The following LRRC7 variants were observed in gnomAD, a reference collection of about 807,000 sequenced individuals.
The protein encoded by LRRC7 is leucine rich repeat containing 7, also known as leucine-rich repeat-containing protein 7.
Under a neutral mutation model 175.7 loss-of-function variants are expected in LRRC7, and 23 were observed. That is an observed-to-expected ratio of 0.13 (90% CI 0.09 to 0.19). The LOEUF (loss-of-function observed/expected upper bound fraction) is 0.19. LRRC7 is among the 10% of genes least tolerant of loss of function. The pLI is 1.00. For synonymous variants in LRRC7, 685 were observed against 680.9 expected, an observed-to-expected ratio of 1.01 and a Z score of -0.09; for missense variants, 1,354 against 1,904.7, an observed-to-expected ratio of 0.71 and a Z score of 5.38.
At chr1:69,786,737 T>A (rs767056819) in intron 3 of LRRC7, among the ~76,000 whole-genome samples, 8 of 152,130 alleles carry the variant, frequency 5.3e-5, no homozygotes, top group Non-Finnish European at 1.0e-4. Context: ...AGACTATGAT[T>A]TAATTACCTC....
Position 69,722,992 on chromosome 1 carries a change from T to A in LRRC7, c.101-37199T>A, listed in dbSNP as rs1666534672. ...ATTTTTATGTTAGTTTTTTGCCATTTTTATGTTAGTTTTTACCATCATTTT... is the reference window on the plus strand; with the variant it reads ...ATTTTTATGTTAGTTTTTTGCCATTATTATGTTAGTTTTTACCATCATTTT... On this transcript the variant is annotated intron_variant, in intron 2 of 26. Transcript: ENST00000651989. Among the ~76,000 whole-genome samples, 4 of 152,260 alleles carry A rather than the reference T, an allele frequency of 2.6e-5. No individual in the cohort carries two copies. The South Asian group carries it at 8.3e-4, about 32-fold the overall frequency.
intron 8 of LRRC7, among the ~76,000 whole-genome samples, chr1:69,969,824 G>A (rs1395260613): frequency 3.9e-5 from 6 of 152,062 alleles, no homozygotes; most frequent in African/African-American, 1.4e-4. Flanking sequence ...ACCACAGAAT[G>A]TACATTCTAT....
At chr1:69,726,344 A>T (rs1194881043) in intron 2 of LRRC7, among the ~76,000 whole-genome samples, 1 of 152,200 alleles carries the variant, frequency 6.6e-6, no homozygotes, top group Non-Finnish European at 1.5e-5. Context: ...TTATCACCAT[A>T]ATAAACCTCT....
chr1:69,692,065 A>T (rs1368837154), intron 2 of LRRC7, among the ~76,000 whole-genome samples: 2 of 152,172 alleles, frequency 1.3e-5, no homozygotes, highest in East Asian at 3.9e-4. Flanking sequence ...GGGGTTTTTC[A>T]TAATATACTC....
intron 8 of LRRC7, among the ~76,000 whole-genome samples, chr1:69,942,560 G>A (rs1332570751): frequency 6.6e-6 from 1 of 151,978 alleles, no homozygotes; most frequent in African/African-American, 2.4e-5. Context: ...CACTAGAGGA[G>A]AATCCATTTC....
At chr1:69,779,284 TTAA>T (rs1038869174) in intron 3 of LRRC7, among the ~76,000 whole-genome samples, 13 of 152,246 alleles carry the variant, frequency 8.5e-5, no homozygotes, top group African/African-American at 2.9e-4. Context: ...ATAATTTACC[TTAA>T]TAGAGACATC....
intron 26 of LRRC7, among the ~76,000 whole-genome samples, chr1:70,108,712 A>G (rs1173771650): frequency 6.6e-6 from 1 of 152,214 alleles, no homozygotes; most frequent in Non-Finnish European, 1.5e-5. Context: ...TAATATACTG[A>G]ACATTTAGAT....
chr1:69,702,873 G>GT (rs993415130), intron 2 of LRRC7, among the ~76,000 whole-genome samples: 11 of 152,134 alleles, frequency 7.2e-5, no homozygotes, highest in East Asian at 5.8e-4. Flanking sequence ...ACTTTTATGT[G>GT]TTTTTTTCTT....
intron 6 of LRRC7, among the ~76,000 whole-genome samples, chr1:69,837,853 C>T (rs1681291093): frequency 8.0e-6 from 1 of 125,482 alleles, no homozygotes; most frequent in South Asian, 2.4e-4. Flanking sequence ...AAATCTATAA[C>T]AATAGTAAAA....
At chr1:69,778,817 T>A (rs1161237770) in intron 3 of LRRC7, among the ~76,000 whole-genome samples, 3 of 151,928 alleles carry the variant, frequency 2.0e-5, no homozygotes, top group Admixed American at 2.0e-4. Flanking sequence ...GTCAGCAAAG[T>A]TAGGCCTTTT....
At position 70,142,769 on chromosome 1, in the gene LRRC7, T is replaced by C. The variant is rs905276536; in HGVS notation, c.*20882T>C. On this transcript the variant is annotated 3_prime_UTR_variant, in exon 27 of 27. Coordinates refer to ENST00000651989, the MANE Select transcript of LRRC7 (RefSeq NM_001370785.2). ...AGCTATATATAAGAAAACCATAACA[T>C]GAACTAGGGTCTTTCTATTCAAAAA... 6.6e-6 allele frequency: 1 copy of C among 152,102 alleles called. No individual in the cohort carries two copies. Among genetic ancestry groups the C allele is most frequent in the Non-Finnish European group, 1.5e-5 (1 of 67,956 alleles). The allele number at this position is 152,102 out of a possible 1,614,324, so 9.4% of individuals were successfully genotyped here.
rs1646399654 is a variant in LRRC7 at position 69,568,072 on chromosome 1, C to T, written c.-568C>T. Among the ~76,000 whole-genome samples, 3 of 152,184 alleles carry T rather than the reference C, an allele frequency of 2.0e-5. No individual in the cohort carries two copies. The South Asian group carries it at 6.2e-4, about 31-fold the overall frequency. On this transcript the variant is annotated 5_prime_UTR_variant, in exon 1 of 27. Coordinates refer to ENST00000651989, the MANE Select transcript of LRRC7 (RefSeq NM_001370785.2). ...CCGCCCACTCGGGCCACCGCCACCG[C>T]CTCCTGCAGTTGCGGAGCGCTCAGC...
chr1:69,717,770 AAAAGAAAG>A (rs754971717), intron 2 of LRRC7, among the ~76,000 whole-genome samples: 1,829 of 42,264 alleles, frequency 0.043, 176 homozygotes, highest in Middle Eastern at 0.077. Flanking sequence ...AAAAAAGAAA[AAAAGAAAG>A]AAAGAAAGAA....
intron 4 of LRRC7, among the ~76,000 whole-genome samples, chr1:69,800,782 G>A (rs377692174): frequency 6.6e-6 from 1 of 151,974 alleles, no homozygotes; most frequent in Non-Finnish European, 1.5e-5. Flanking sequence ...ATATTGAAGA[G>A]AGTAGTGAAA....
chr1:69,761,248 C>T (rs891120723), intron 3 of LRRC7, among the ~76,000 whole-genome samples: 1 of 152,008 alleles, frequency 6.6e-6, no homozygotes, highest in African/African-American at 2.4e-5. Flanking sequence ...AAACGTCATG[C>T]ACTCAATTTC....
At chr1:69,795,324 G>A (rs534258668) in intron 4 of LRRC7, among the ~76,000 whole-genome samples, 2 of 150,422 alleles carry the variant, frequency 1.3e-5, no homozygotes, top group African/African-American at 2.4e-5. Flanking sequence ...AGGTTGCAGT[G>A]AGATCACGCC....
At chr1:69,911,148 C>A (rs1001606358) in intron 7 of LRRC7, among the ~76,000 whole-genome samples, 20 of 152,180 alleles carry the variant, frequency 1.3e-4, no homozygotes, top group African/African-American at 4.8e-4. Flanking sequence ...CCTTGCGCTT[C>A]CCAAGTGAGG....
chr1:69,976,107 T>A (rs997018009), intron 8 of LRRC7, among the ~76,000 whole-genome samples: 1 of 152,204 alleles, frequency 6.6e-6, no homozygotes, highest in African/African-American at 2.4e-5. Flanking sequence ...AAGATAGTTA[T>A]CACCTGAAAT....
intron 17 of LRRC7, 131 bp from the exon 18 acceptor site, chr1:70,028,040 C>G (rs1658311593): frequency 2.6e-6 from 2 of 776,894 alleles, no homozygotes; most frequent in Non-Finnish European, 4.2e-6. Flanking sequence ...TACTCTATAA[C>G]AGAGTTTCTC....
Sources: allele counts gnomAD v4.1 joint callset (sites outside exome capture counted in the v4.1 genomes callset), GRCh38; gene constraint gnomAD v4.1.1; transcripts MANE v1.5; gene names NCBI Gene and HGNC (gene_info 2026-07-23, HGNC 2026-07-21).